TMEM163: variants seen among roughly 807,000 people sequenced by gnomAD.
The protein encoded by TMEM163 is transmembrane protein 163.
In TMEM163, 17 loss-of-function variants were observed where a neutral mutation model predicts 29.3. The observed-to-expected ratio is 0.58, with a 90% CI of 0.40 to 0.87. The LOEUF is 0.87. TMEM163 is among the 40% of genes least tolerant of loss of function. The pLI is 0.00. For missense variants in TMEM163, 303 were observed against 381.5 expected, an observed-to-expected ratio of 0.79 and a Z score of 1.71; for synonymous variants, 157 against 160.6, an observed-to-expected ratio of 0.98 and a Z score of 0.17.
intron 2 of TMEM163, among the ~76,000 whole-genome samples, chr2:134,586,902 A>C (rs1385366017): frequency 6.6e-6 from 1 of 152,138 alleles, no homozygotes; most frequent in Non-Finnish European, 1.5e-5. Context: ...AAAAACCCCA[A>C]AGGCTCCTAT....
In TMEM163 at chr2:134,519,120, G is replaced by A. The variant is rs138267761; in HGVS notation, c.459-16123C>T. ...AAAAGTGACAGTCCTTGGCAGAAGT[G>A]TTGTAGTAGCCCACAATTCCGTGTT... On this transcript the variant is annotated intron_variant, in intron 4 of 7. Coordinates refer to ENST00000281924, the MANE Select transcript of TMEM163 (RefSeq NM_030923.5). 1.8e-4 allele frequency among the ~76,000 whole-genome samples: 27 copies of A among 152,294 alleles called. No homozygotes were observed. The East Asian group carries it at 3.9e-3, about 22-fold the overall frequency.
intron 4 of TMEM163, among the ~76,000 whole-genome samples, chr2:134,514,699 C>T (rs1403631162): frequency 6.6e-6 from 1 of 152,206 alleles, no homozygotes; most frequent in African/African-American, 2.4e-5. Context: ...CTCAACCTCA[C>T]ACCCCTACCT....
At chr2:134,718,546 G>A (rs1184508812) in intron 1 of TMEM163, among the ~76,000 whole-genome samples, 188 bp downstream of exon 1, 1 of 152,194 alleles carries the variant, frequency 6.6e-6, no homozygotes, top group African/African-American at 2.4e-5. Context: ...AACCGCAGCC[G>A]AGGCGGTGCC....
rs149280532 is a variant in TMEM163 at position 134,502,907 on chromosome 2, T to A, written c.549A>T (p.Pro183=). 1 of 1,613,698 alleles carries A rather than the reference T, an allele frequency of 6.2e-7. No individual in the cohort carries two copies. Among genetic ancestry groups the A allele is most frequent in the Non-Finnish European group, 8.5e-7 (1 of 1,179,816 alleles). The change falls in exon 5 of 8, where the codon CCA becomes CCT. Residue 183 remains proline, a synonymous_variant. Transcript: ENST00000281924. ...GGAAGAAGAAGGACCTTACCACTTC[T>A]GGGAGCAGCCTAGTTGAGAGGTCAT... ...AIHDLSTRLL[P]EVDDFLFSVS...
intron 2 of TMEM163, among the ~76,000 whole-genome samples, chr2:134,700,454 T>C (rs1183620790): frequency 6.6e-6 from 1 of 152,246 alleles, no homozygotes; most frequent in Non-Finnish European, 1.5e-5. Flanking sequence ...GATTCTCTAG[T>C]TATTCCTCAT....
intron 5 of TMEM163, among the ~76,000 whole-genome samples, chr2:134,499,329 G>A (rs1303702810): frequency 2.6e-5 from 4 of 152,216 alleles, no homozygotes; most frequent in Non-Finnish European, 4.4e-5. Flanking sequence ...TAAAAGGAAA[G>A]CACTATTACT....
At chr2:134,647,752 G>A (rs558939296) in intron 2 of TMEM163, among the ~76,000 whole-genome samples, 1 of 152,222 alleles carries the variant, frequency 6.6e-6, no homozygotes, top group African/African-American at 2.4e-5. Flanking sequence ...CTAGCTGGCT[G>A]CTTCATTGCC....
intron 5 of TMEM163, among the ~76,000 whole-genome samples, chr2:134,480,622 T>C (rs558484141): frequency 3.9e-5 from 6 of 152,270 alleles, no homozygotes; most frequent in Admixed American, 3.9e-4. Flanking sequence ...AGTTGGTTTT[T>C]CCCTCTGACC....
chr2:134,573,608 GC>G (rs1363776415), intron 2 of TMEM163, among the ~76,000 whole-genome samples: 1 of 152,184 alleles, frequency 6.6e-6, no homozygotes, highest in Non-Finnish European at 1.5e-5. Flanking sequence ...GCAGATACAG[GC>G]CAATTCACAT....
rs1312717355 is a variant in TMEM163, at chr2:134,655,233, G to A, written c.322+57967C>T. ...TTCACATAGTCCCATATTTCTTGGA[G>A]GCTTTGCTCATTTCTGTTTATTCTT... On this transcript the variant is annotated intron_variant, in intron 2 of 7. Transcript: ENST00000281924. Among the ~76,000 whole-genome samples the A allele has an allele frequency of 4.3e-5, 6 of 140,210 alleles. 2 individuals carry two copies. The highest frequency in any genetic ancestry group is 1.8e-4 in the African/African-American group (6 of 33,396). The allele number at this position is 140,210 out of a possible 152,430, so 92.0% of individuals were successfully genotyped here. A position where few individuals can be genotyped will look rare whatever the true frequency, so the allele number is the denominator to read the frequency against.
chr2:134,595,318 A>T (rs1042120315), intron 2 of TMEM163, among the ~76,000 whole-genome samples: 3 of 151,880 alleles, frequency 2.0e-5, no homozygotes, highest in Non-Finnish European at 4.4e-5. Flanking sequence ...CCTGTGTCCA[A>T]GTGTTCTCAT....
intron 4 of TMEM163, among the ~76,000 whole-genome samples, chr2:134,513,492 G>A (rs1574194939): frequency 6.6e-6 from 1 of 152,236 alleles, no homozygotes; most frequent in South Asian, 2.1e-4. Context: ...AGCTGAGTAG[G>A]AGGGAGAGTG....
chr2:134,543,261 G>T (rs1020533882), intron 4 of TMEM163, among the ~76,000 whole-genome samples: 2 of 152,182 alleles, frequency 1.3e-5, no homozygotes, highest in Non-Finnish European at 2.9e-5. Context: ...TCTGCCTCCA[G>T]GTGAGTCTAA....
chr2:134,612,872 A>G (rs75308122), intron 2 of TMEM163, among the ~76,000 whole-genome samples: 4,263 of 152,310 alleles, frequency 0.028, 200 homozygotes, highest in African/African-American at 0.096. Flanking sequence ...ATGTGAAGAA[A>G]TAAGAAAGTT....
intron 4 of TMEM163, among the ~76,000 whole-genome samples, chr2:134,512,320 T>C (rs983058630): frequency 2.6e-5 from 4 of 152,052 alleles, no homozygotes; most frequent in African/African-American, 9.7e-5. Flanking sequence ...TAGCCAGGCA[T>C]GGTGGCACAC....
chr2:134,507,087 A>T (rs1339258791), intron 4 of TMEM163, among the ~76,000 whole-genome samples: 2 of 152,188 alleles, frequency 1.3e-5, no homozygotes, highest in Non-Finnish European at 2.9e-5. Flanking sequence ...CTGTAATCCC[A>T]GGACTTTGGG....
intron 2 of TMEM163, among the ~76,000 whole-genome samples, chr2:134,586,325 T>C (rs559842549): frequency 1.3e-5 from 2 of 152,316 alleles, no homozygotes; most frequent in Non-Finnish European, 2.9e-5. Flanking sequence ...GTGAGCACCA[T>C]TGGTTCCTTC....
intron 2 of TMEM163, among the ~76,000 whole-genome samples, chr2:134,661,599 C>A (rs1439446245): frequency 6.6e-6 from 1 of 152,192 alleles, no homozygotes; most frequent in African/African-American, 2.4e-5. Flanking sequence ...AGGTAGACAC[C>A]TGCTAATTTG....
At chr2:134,521,626 C>A (rs1680190721) in intron 4 of TMEM163, among the ~76,000 whole-genome samples, 1 of 152,194 alleles carries the variant, frequency 6.6e-6, no homozygotes, top group Non-Finnish European at 1.5e-5. Flanking sequence ...CTGGGGCCAA[C>A]CCACAAAGCC....
Sources: allele counts gnomAD v4.1 joint callset (sites outside exome capture counted in the v4.1 genomes callset), GRCh38; gene constraint gnomAD v4.1.1; transcripts MANE v1.5; gene names NCBI Gene and HGNC (gene_info 2026-07-23, HGNC 2026-07-21).